PDE4D: variants seen among roughly 807,000 people sequenced by gnomAD.
The protein encoded by PDE4D is 3',5'-cyclic-AMP phosphodiesterase 4D.
In PDE4D, 24 loss-of-function variants were observed where a neutral mutation model predicts 87.4. That is an observed-to-expected ratio of 0.27 (90% CI 0.20 to 0.39). The LOEUF (loss-of-function observed/expected upper bound fraction) is 0.39, where lower values mean the gene tolerates loss of function less well. PDE4D is among the 10% of genes least tolerant of loss of function. The pLI, the probability that PDE4D is intolerant of heterozygous loss-of-function variation, is 1.00. For missense variants in PDE4D, 714 were observed against 1,041.0 expected (o/e 0.69, Z 4.32); for synonymous variants, 384 against 383.2 (o/e 1.00, Z -0.02).
chr5:60,176,302 CA>C (rs1783893966), intron 2 of PDE4D, among the ~76,000 whole-genome samples: 1 of 152,088 alleles, frequency 6.6e-6, no homozygotes, highest in African/African-American at 2.4e-5. Flanking sequence ...TGTCTCTTTC[CA>C]GATTTGGAGT....
intron 1 of PDE4D, among the ~76,000 whole-genome samples, chr5:59,231,655 G>A (rs1011311461): frequency 2.6e-5 from 4 of 152,138 alleles, no homozygotes; most frequent in South Asian, 2.1e-4. Context: ...AACACAGTGC[G>A]TTCCATCAAA....
intron 1 of PDE4D, among the ~76,000 whole-genome samples, chr5:60,427,287 G>A (rs1268414761): frequency 6.6e-6 from 1 of 152,102 alleles, no homozygotes; most frequent in African/African-American, 2.4e-5. Flanking sequence ...AAGATAAAGA[G>A]GAAATATTAA....
chr5:59,298,411 G>T (rs898948977), intron 1 of PDE4D, among the ~76,000 whole-genome samples: 1 of 152,020 alleles, frequency 6.6e-6, no homozygotes, highest in Non-Finnish European at 1.5e-5. Context: ...CACCGTGCCT[G>T]GCCATAAGTG....
At position 59,838,157 on chromosome 5, in the gene PDE4D, C is replaced by A. The variant is rs546269182; in HGVS notation, c.455+55011G>T. Among the ~76,000 whole-genome samples, 6 of 152,110 alleles carry A rather than the reference C, an allele frequency of 3.9e-5. 1 individual carries two copies. The highest frequency in any genetic ancestry group is 1.4e-4 in the African/African-American group (6 of 41,532). Reference sequence around the variant, plus strand: ...AAAAAGTGGAGTTGTTCTGATGATACTGGAAGAAGGAGAGTAAAAAGAGTG... The same window carrying A: ...AAAAAGTGGAGTTGTTCTGATGATAATGGAAGAAGGAGAGTAAAAAGAGTG... On this transcript the variant is annotated intron_variant, in intron 1 of 14. Coordinates refer to ENST00000340635, the MANE Select transcript of PDE4D (RefSeq NM_001104631.2).
chr5:59,879,127 C>G (rs539579283), intron 1 of PDE4D, among the ~76,000 whole-genome samples: 2 of 151,390 alleles, frequency 1.3e-5, no homozygotes, highest in South Asian at 2.1e-4. Flanking sequence ...GTCTCGATCT[C>G]CTGACCTCGT....
chr5:59,852,725 G>A (rs1744862413), intron 1 of PDE4D, among the ~76,000 whole-genome samples: 1 of 151,884 alleles, frequency 6.6e-6, no homozygotes, highest in Non-Finnish European at 1.5e-5. Context: ...TGCAGCAATA[G>A]GTAACTAATT....
intron 2 of PDE4D, among the ~76,000 whole-genome samples, chr5:60,009,910 G>C (rs1764855424): frequency 6.6e-6 from 1 of 152,016 alleles, no homozygotes; most frequent in Non-Finnish European, 1.5e-5. Context: ...GTATTTTGGA[G>C]AAAATTGAGA....
chr5:60,128,559 GA>G (rs767826154), intron 2 of PDE4D, among the ~76,000 whole-genome samples: 7 of 152,224 alleles, frequency 4.6e-5, no homozygotes, highest in South Asian at 2.1e-4. Context: ...TGCATAGGAA[GA>G]AACCCAGGTG....
At chr5:60,211,827 G>A (rs1402541577) in intron 1 of PDE4D, among the ~76,000 whole-genome samples, 2 of 152,044 alleles carry the variant, frequency 1.3e-5, no homozygotes, top group African/African-American at 2.4e-5. Flanking sequence ...TCACCCACCT[G>A]AAGGTACAGT....
chr5:59,679,760 A>G (rs1748698527), intron 1 of PDE4D, among the ~76,000 whole-genome samples: 1 of 152,160 alleles, frequency 6.6e-6, no homozygotes, highest in African/African-American at 2.4e-5. Context: ...ATTTTGACTT[A>G]TAACAAGACT....
intron 1 of PDE4D, among the ~76,000 whole-genome samples, chr5:60,502,383 C>T (rs930435564): frequency 3.9e-5 from 6 of 152,114 alleles, no homozygotes; most frequent in African/African-American, 1.4e-4. Flanking sequence ...GGTAGCAGTA[C>T]CATGCTGTTT....
At chr5:59,871,704 C>T (rs1040974368) in intron 1 of PDE4D, among the ~76,000 whole-genome samples, 1 of 152,104 alleles carries the variant, frequency 6.6e-6, no homozygotes, top group African/African-American at 2.4e-5. Context: ...AATTTGCCAT[C>T]AAGGGAGAAA....
intron 1 of PDE4D, among the ~76,000 whole-genome samples, chr5:60,258,784 A>C (rs1188678610): frequency 6.6e-6 from 1 of 151,990 alleles, no homozygotes; most frequent in Non-Finnish European, 1.5e-5. Context: ...GATTTTAAAA[A>C]TTTTATTGTA....
intron 2 of PDE4D, among the ~76,000 whole-genome samples, chr5:60,110,853 C>A (rs920185239): frequency 2.0e-5 from 3 of 152,010 alleles, no homozygotes; most frequent in African/African-American, 7.2e-5. Context: ...TCATTCTCAG[C>A]AATGTGGATG....
intron 1 of PDE4D, among the ~76,000 whole-genome samples, chr5:59,244,893 C>G (rs942401164): frequency 6.6e-6 from 1 of 151,226 alleles, no homozygotes; most frequent in African/African-American, 2.4e-5. Context: ...ATGGCTATCC[C>G]TGGAAGCTGC....
chr5:60,408,897 TTAA>T (rs1391191415), intron 1 of PDE4D, among the ~76,000 whole-genome samples: 3 of 152,226 alleles, frequency 2.0e-5, no homozygotes, highest in African/African-American at 7.2e-5. Flanking sequence ...GTCACCAATG[TTAA>T]TAATCATAAT....
rs374715242 is a variant in PDE4D, at chr5:59,549,941, G to C, written c.456-333973C>G. On this transcript the variant is annotated intron_variant, in intron 1 of 14. Coordinates refer to ENST00000340635, the MANE Select transcript of PDE4D (RefSeq NM_001104631.2). ...GAATTATGAAATATTTTTGCTAAAA[G>C]CATTTAGAACTAATCTAGTATGATT... 2.0e-4 allele frequency among the ~76,000 whole-genome samples: 30 copies of C among 151,654 alleles called. No individual in the cohort carries two copies. In the South Asian group the frequency reaches 6.3e-3, roughly 32 times the overall value.
chr5:59,229,071 G>A (rs1754534930), intron 1 of PDE4D, among the ~76,000 whole-genome samples: 1 of 151,124 alleles, frequency 6.6e-6, no homozygotes. Context: ...AACAGCTTCT[G>A]ATGAACTTTG....
chr5:59,415,410 C>A (rs1793429152), intron 1 of PDE4D, among the ~76,000 whole-genome samples: 1 of 152,138 alleles, frequency 6.6e-6, no homozygotes, highest in African/African-American at 2.4e-5. Context: ...TGAGTTCAAA[C>A]CCAGATAATC....
Sources: allele counts gnomAD v4.1 joint callset (sites outside exome capture counted in the v4.1 genomes callset), GRCh38; gene constraint gnomAD v4.1.1; transcripts MANE v1.5; gene names NCBI Gene and HGNC (gene_info 2026-07-23, HGNC 2026-07-21).